Variants in CSNK1G1 observed in about 807,000 individuals in gnomAD.
CSNK1G1 encodes the protein casein kinase I isoform gamma-1.
A neutral mutation model predicts 59.6 loss-of-function variants in CSNK1G1; 22 were observed. That is an observed-to-expected ratio of 0.37 (90% confidence interval 0.26 to 0.53). The LOEUF (loss-of-function observed/expected upper bound fraction) is 0.53. Among genes scored for constraint, CSNK1G1 ranks in the 20% least tolerant of loss-of-function variants. The probability of loss-of-function intolerance (pLI) is 0.89; values close to 1 mark genes in which losing one functional copy is unlikely to be tolerated. For synonymous variants in CSNK1G1, 179 were observed against 177.1 expected (o/e 1.01, Z -0.08); for missense variants, 384 against 519.5 (o/e 0.74, Z 2.54).
At chr15:64,343,645 A>G (rs1002237516) in intron 1 of CSNK1G1, among the ~76,000 whole-genome samples, 1 of 151,948 alleles carries the variant, frequency 6.6e-6, no homozygotes, top group African/African-American at 2.4e-5. Flanking sequence ...GACAGATTAG[A>G]TCAAGTTTTT....
intron 1 of CSNK1G1, among the ~76,000 whole-genome samples, chr15:64,304,383 C>CAAAAAAAAA (rs3057017): frequency 1.4e-5 from 1 of 70,720 alleles, no homozygotes. Flanking sequence ...AACTCCACCT[C>CAAAAAAAAA]AAAAAAAAAA....
intron 4 of CSNK1G1, among the ~76,000 whole-genome samples, chr15:64,235,806 A>G (rs879193871): frequency 1.1e-4 from 16 of 152,192 alleles, no homozygotes; most frequent in Admixed American, 3.9e-4. Flanking sequence ...TATTGTATAT[A>G]TTTATTTTCT....
At chr15:64,237,852 C>CA (rs2082636286) in intron 4 of CSNK1G1, among the ~76,000 whole-genome samples, 1 of 152,176 alleles carries the variant, frequency 6.6e-6, no homozygotes, top group African/African-American at 2.4e-5. Context: ...CCATTCCCTC[C>CA]AAGCGACTTC....
At chr15:64,233,424 T>C (rs1431852776) in intron 4 of CSNK1G1, among the ~76,000 whole-genome samples, 1 of 152,144 alleles carries the variant, frequency 6.6e-6, no homozygotes, top group Non-Finnish European at 1.5e-5. Flanking sequence ...ATAAATGTAA[T>C]TAAAGGCAAT....
At position 64,216,181 on chromosome 15, in the gene CSNK1G1, T is replaced by C. The variant is rs901588910; in HGVS notation, c.444+381A>G. The stretch of plus-strand genomic sequence containing the variant: ...TTGAGGTTGCACTGAGCTATGATCA[T>C]GCTACTGTACTCTAGCCTGGGTGAC... On this transcript the variant is annotated intron_variant, in intron 5 of 11. Coordinates refer to ENST00000303052, the MANE Select transcript of CSNK1G1 (RefSeq NM_022048.5). The surrounding 1 kb of genome is among the most constrained non-coding windows in gnomAD (Gnocchi z 4.6). Among the ~76,000 whole-genome samples, 1 of 152,076 alleles carries C rather than the reference T, an allele frequency of 6.6e-6. No individual in the cohort carries two copies. Among genetic ancestry groups the C allele is most frequent in the Non-Finnish European group, 1.5e-5 (1 of 68,026 alleles).
chr15:64,186,456 G>A (rs907106273), intron 10 of CSNK1G1, among the ~76,000 whole-genome samples: 1 of 152,110 alleles, frequency 6.6e-6, no homozygotes, highest in African/African-American at 2.4e-5. Context: ...ATCCTCATGT[G>A]GCTTCACAAG....
chr15:64,181,573 A>C, intron 10 of CSNK1G1: 5 of 807,506 alleles, frequency 6.2e-6, no homozygotes, highest in South Asian at 2.0e-5. Context: ...TGTCTAGTAT[A>C]ATACCTAGCA....
At chr15:64,282,823 T>A (rs1894215383) in intron 2 of CSNK1G1, among the ~76,000 whole-genome samples, 1 of 152,190 alleles carries the variant, frequency 6.6e-6, no homozygotes, top group Non-Finnish European at 1.5e-5. Context: ...AGCCAACAAT[T>A]GTTATCTGAT....
rs1045628536 is a variant in CSNK1G1, at chr15:64,300,618, G to A, written c.-119C>T. 1.9e-5 allele frequency: 27 copies of A among 1,410,140 alleles called. No homozygotes were observed. Among genetic ancestry groups the A allele is most frequent in the Non-Finnish European group, 2.3e-5 (25 of 1,077,370 alleles). The allele number at this position is 1,410,140 out of a possible 1,614,324, so 87.4% of individuals were successfully genotyped here. On this transcript the variant is annotated 5_prime_UTR_variant, in exon 2 of 12. Transcript: ENST00000303052. ...CAGAGAAAGGTAAGGAGTTCTTTTAGCACCATATTTGTTTGTAATGTATCT... is the reference window on the plus strand; with the variant it reads ...CAGAGAAAGGTAAGGAGTTCTTTTAACACCATATTTGTTTGTAATGTATCT...
chr15:64,314,311 G>A (rs750724521), intron 1 of CSNK1G1, among the ~76,000 whole-genome samples: 14 of 152,152 alleles, frequency 9.2e-5, no homozygotes, highest in South Asian at 2.1e-4. Context: ...GGGGTGGGAA[G>A]CCTTTTATTA....
intron 6 of CSNK1G1, 21 bp from the exon 7 acceptor site, chr15:64,207,615 C>A (rs1421851170): frequency 1.9e-6 from 3 of 1,577,884 alleles, no homozygotes; most frequent in South Asian, 2.2e-5. Flanking sequence ...AGACAGATCA[C>A]ACATTATGTT....
intron 1 of CSNK1G1, among the ~76,000 whole-genome samples, chr15:64,317,829 G>A (rs1033482638): frequency 2.6e-5 from 4 of 152,134 alleles, no homozygotes; most frequent in African/African-American, 9.7e-5. Context: ...TTTTTCAACT[G>A]GGAGATTTCA....
chr15:64,282,038 T>C (rs1894169969), intron 2 of CSNK1G1, among the ~76,000 whole-genome samples: 1 of 151,932 alleles, frequency 6.6e-6, no homozygotes. Flanking sequence ...CCTCTCACTT[T>C]AGCCTCCCAA....
chr15:64,243,503 T>A (rs1891583441), intron 4 of CSNK1G1, among the ~76,000 whole-genome samples: 2 of 152,056 alleles, frequency 1.3e-5, no homozygotes, highest in South Asian at 4.2e-4. Context: ...CAGGATGCCG[T>A]CTCTCACCAC....
intron 1 of CSNK1G1, among the ~76,000 whole-genome samples, chr15:64,352,270 C>A (rs1357656607): frequency 6.6e-6 from 1 of 151,478 alleles, no homozygotes; most frequent in Non-Finnish European, 1.5e-5. Flanking sequence ...AGTGCCGCTG[C>A]ACTCCAGCAT....
chr15:64,353,624 G>A (rs1898452180), intron 1 of CSNK1G1, among the ~76,000 whole-genome samples: 1 of 147,824 alleles, frequency 6.8e-6, no homozygotes, highest in Non-Finnish European at 1.5e-5. Flanking sequence ...TCCAGCCTGG[G>A]TGACAGAGTG....
intron 4 of CSNK1G1, among the ~76,000 whole-genome samples, chr15:64,250,634 A>C (rs1174011591): frequency 3.3e-5 from 5 of 152,108 alleles, no homozygotes; most frequent in Non-Finnish European, 7.4e-5. Context: ...AGTACCAGCT[A>C]CTCAGGAGGC....
intron 2 of CSNK1G1, among the ~76,000 whole-genome samples, chr15:64,261,999 A>C (rs1309642183): frequency 6.6e-6 from 1 of 151,980 alleles, no homozygotes; most frequent in Admixed American, 6.6e-5. Context: ...CTTCCTGTAT[A>C]ATTGCAGAAC....
intron 1 of CSNK1G1, among the ~76,000 whole-genome samples, chr15:64,323,568 T>A (rs1355039323): frequency 2.0e-5 from 3 of 152,072 alleles, no homozygotes; most frequent in Admixed American, 2.0e-4. Context: ...TTTCTCCATG[T>A]TGGTCAGGCT....
Sources: gnomAD v4.1 joint callset for allele counts (sites outside exome capture counted in the v4.1 genomes callset) on GRCh38, gnomAD v4.1.1 for gene constraint, Gnocchi (gnomAD v3.1) non-coding constraint, MANE v1.5 for transcripts, NCBI Gene and HGNC (gene_info 2026-07-23, HGNC 2026-07-21) for gene names.